CDC25A: variants seen among roughly 807,000 people sequenced by gnomAD.
CDC25A encodes M-phase inducer phosphatase 1.
Under a neutral mutation model 64.6 loss-of-function variants are expected in CDC25A, and 17 were observed. The observed-to-expected ratio is 0.26, with a 90% confidence interval of 0.18 to 0.39. The LOEUF is 0.39. Ranked by LOEUF, CDC25A falls within the 10% of genes least tolerant of loss-of-function variation. The pLI is 1.00. For missense variants in CDC25A, 473 were observed against 654.8 expected, an observed-to-expected ratio of 0.72 and a Z score of 3.03; for synonymous variants, 229 against 238.6, an observed-to-expected ratio of 0.96 and a Z score of 0.37.
chr3:48,179,618 C>T (rs1361240641), intron 6 of CDC25A, among the ~76,000 whole-genome samples: 1 of 152,142 alleles, frequency 6.6e-6, no homozygotes, highest in Admixed American at 6.6e-5. Flanking sequence ...CCTCCCACCT[C>T]GGCCTCCCAA....
intron 5 of CDC25A, chr3:48,181,744 G>A: frequency 9.1e-6 from 6 of 659,690 alleles, no homozygotes; most frequent in South Asian, 1.6e-5. Flanking sequence ...CTGAATTATA[G>A]AATGTTCACA....
At chr3:48,165,532 C>A in intron 12 of CDC25A, 104 bp downstream of exon 12, 2 of 739,850 alleles carry the variant, frequency 2.7e-6, no homozygotes, top group Non-Finnish European at 2.3e-6. Context: ...AAAATTCTAA[C>A]AACTAGCATA....
At chr3:48,165,777 G>C (rs2031988676) in intron 11 of CDC25A, 43 bp from the exon 12 acceptor site, 1 of 1,591,164 alleles carries the variant, frequency 6.3e-7, no homozygotes, top group South Asian at 1.1e-5. Flanking sequence ...GACCGTCAGG[G>C]AAAACTAGAT....
rs926846164 is a variant in CDC25A, at chr3:48,157,933, A to G, written c.*1012T>C. 3 of 152,424 alleles carry G rather than the reference A, an allele frequency of 2.0e-5. No individual in the cohort carries two copies. The highest frequency in any genetic ancestry group is 4.8e-5 in the African/African-American group (2 of 41,442). The allele number at this position is 152,424 out of a possible 1,614,324, so 9.4% of individuals were successfully genotyped here. On this transcript the variant is annotated 3_prime_UTR_variant, in exon 15 of 15. Coordinates refer to ENST00000302506, the MANE Select transcript of CDC25A (RefSeq NM_001789.3). ...AAAAATTAGAAAATAAAAGCTATCAATATCACAGCAACATAAGGAAGATAC... is the reference window on the plus strand; with the variant it reads ...AAAAATTAGAAAATAAAAGCTATCAGTATCACAGCAACATAAGGAAGATAC...
At chr3:48,178,724 C>T (rs1232551364) in intron 6 of CDC25A, among the ~76,000 whole-genome samples, 2 of 152,164 alleles carry the variant, frequency 1.3e-5, no homozygotes, top group Admixed American at 6.5e-5. Flanking sequence ...GAAAACCATT[C>T]CTGGAATTAA....
chr3:48,180,640 T>C, intron 6 of CDC25A, 81 bp downstream of exon 6: 1 of 1,455,540 alleles, frequency 6.9e-7, no homozygotes, highest in Non-Finnish European at 9.5e-7. Flanking sequence ...GCTACTGTAG[T>C]GCCTTCAATT....
chr3:48,159,581 C>G, intron 13 of CDC25A, 126 bp from the exon 14 acceptor site: 4 of 656,864 alleles, frequency 6.1e-6, no homozygotes, highest in Non-Finnish European at 1.1e-5. Flanking sequence ...GACATTTATT[C>G]TTAGAAACAA....
At chr3:48,176,389 GTGTA>G (rs1336177527) in intron 8 of CDC25A, among the ~76,000 whole-genome samples, 2 of 151,602 alleles carry the variant, frequency 1.3e-5, no homozygotes, top group African/African-American at 4.9e-5. Flanking sequence ...TCTATAGCAT[GTGTA>G]TGTGTGTGTA....
At chr3:48,160,948 TCGAGACCAGCCTGGC>T (rs757244372) in intron 13 of CDC25A, among the ~76,000 whole-genome samples, 1 of 150,872 alleles carries the variant, frequency 6.6e-6, no homozygotes, top group Non-Finnish European at 1.5e-5. Context: ...GGTCAGGAGT[TCGAGACCAGCCTGGC>T]CAAGATAGTG....
chr3:48,162,003 G>A (rs754497702), intron 13 of CDC25A, among the ~76,000 whole-genome samples: 6 of 152,184 alleles, frequency 3.9e-5, no homozygotes, highest in Non-Finnish European at 8.8e-5. Flanking sequence ...GGAGGTTGCA[G>A]TGATCCGAGA....
At chr3:48,165,544 G>A in intron 12 of CDC25A, 92 bp downstream of exon 12, 2 of 801,640 alleles carry the variant, frequency 2.5e-6, no homozygotes, top group South Asian at 1.5e-5. Flanking sequence ...ACTAGCATAT[G>A]AGCTAAGTGG....
chr3:48,181,524 CGGT>C, intron 5 of CDC25A: 1 of 1,305,262 alleles, frequency 7.7e-7, no homozygotes, highest in Non-Finnish European at 1.1e-6. Context: ...CTCGGGGTCG[CGGT>C]CGGCACTGAG....
intron 7 of CDC25A, 83 bp downstream of exon 7, chr3:48,177,771 C>T (rs1004119399): frequency 6.6e-7 from 1 of 1,516,460 alleles, no homozygotes. Context: ...ACTGCTGTTG[C>T]TGTTCTTTTT....
In CDC25A at chr3:48,164,346, A is replaced by G; in HGVS notation, c.1283T>C (p.Val428Ala). 1.9e-6 allele frequency: 3 copies of G among 1,601,940 alleles called. No homozygotes were observed. Among genetic ancestry groups the G allele is most frequent in the Non-Finnish European group, 2.6e-6 (3 of 1,175,586 alleles). Residue 428 changes from valine to alanine, a missense_variant, in exon 13 of 15, where the codon GTG becomes GCG. Around this residue, in one of 2 missense-constraint regions of CDC25A, gnomAD observed 97 missense variants for 223.0 expected, o/e 0.43. Coordinates refer to ENST00000302506, the MANE Select transcript of CDC25A (RefSeq NM_001789.3). The stretch of plus-strand genomic sequence containing the variant: ...CTCAGAAGAAAACTCGCAGTGAAAC[A>G]CAACAATGACACGCTTGCCATCAGT... ...VPTDGKRVIVVFHCEFSSERG... is the reference protein window; with the variant it reads ...VPTDGKRVIVAFHCEFSSERG...
chr3:48,181,050 T>C (rs2032649873), intron 5 of CDC25A, among the ~76,000 whole-genome samples: 1 of 152,248 alleles, frequency 6.6e-6, no homozygotes, highest in African/African-American at 2.4e-5. Flanking sequence ...TGTCATACTG[T>C]ATTTCCTAAC....
At chr3:48,179,249 C>T (rs971151727) in intron 6 of CDC25A, among the ~76,000 whole-genome samples, 2 of 152,164 alleles carry the variant, frequency 1.3e-5, no homozygotes, top group African/African-American at 4.8e-5. Flanking sequence ...CTATATCACA[C>T]CAACATTTGT....
At chr3:48,162,134 G>C (rs2031793907) in intron 13 of CDC25A, among the ~76,000 whole-genome samples, 1 of 152,180 alleles carries the variant, frequency 6.6e-6, no homozygotes, top group Non-Finnish European at 1.5e-5. Context: ...ACAGATGTTT[G>C]AAGGACTTAT....
rs558919667 is a variant in CDC25A, at chr3:48,164,874, G to A, written c.1192-437C>T. 3.5e-3 allele frequency among the ~76,000 whole-genome samples: 535 copies of A among 151,902 alleles called. 3 individuals are homozygous for A. Among genetic ancestry groups the A allele is most frequent in the African/African-American group, 0.012 (503 of 41,422 alleles). On this transcript the variant is annotated intron_variant, in intron 12 of 14. Transcript: ENST00000302506. ...TGTAATCCTAGCACTTTGGGAGGCT[G>A]AGGCGGGCGGTTTGCCTGAGCTCAG...
chr3:48,162,522 G>A (rs1211781933), intron 13 of CDC25A, among the ~76,000 whole-genome samples: 3 of 151,614 alleles, frequency 2.0e-5, no homozygotes, highest in Non-Finnish European at 4.4e-5. Context: ...GTGCCACTGT[G>A]CCCAGCCATA....
Sources: gnomAD v4.1 joint callset for allele counts (sites outside exome capture counted in the v4.1 genomes callset) on GRCh38, gnomAD v4.1.1 for gene constraint, gnomAD v4.1.1 regional missense constraint, MANE v1.5 for transcripts, NCBI Gene and HGNC (gene_info 2026-07-23, HGNC 2026-07-21) for gene names.